Variants in FHIT observed in about 807,000 individuals in gnomAD.
FHIT encodes bis(5'-adenosyl)-triphosphatase.
In FHIT, 19 loss-of-function variants were observed where a neutral mutation model predicts 17.9. The observed-to-expected ratio is 1.06, with a 90% CI of 0.74 to 1.56. The LOEUF is 1.56. FHIT is among the 40% of genes most tolerant of loss of function. The pLI is 0.00. For missense variants in FHIT, 248 were observed against 189.2 expected, an observed-to-expected ratio of 1.31 and a Z score of -1.82; for synonymous variants, 81 against 69.7, an observed-to-expected ratio of 1.16 and a Z score of -0.81.
At chr3:60,826,097 C>T (rs1553740849) in intron 3 of FHIT, among the ~76,000 whole-genome samples, 1 of 149,152 alleles carries the variant, frequency 6.7e-6, no homozygotes, top group Non-Finnish European at 1.5e-5. Context: ...CTCATCTGTG[C>T]TTTTTTGTTT....
At chr3:60,694,977 G>A (rs1472740381) in intron 4 of FHIT, among the ~76,000 whole-genome samples, 1 of 151,996 alleles carries the variant, frequency 6.6e-6, no homozygotes, top group Non-Finnish European at 1.5e-5. Flanking sequence ...CGGGTTAATG[G>A]GTGCAGCACA....
At chr3:60,696,829 T>A (rs914109146) in intron 4 of FHIT, among the ~76,000 whole-genome samples, 2 of 152,202 alleles carry the variant, frequency 1.3e-5, no homozygotes, top group African/African-American at 4.8e-5. Flanking sequence ...TTTACTCCAC[T>A]GATATCAACA....
chr3:60,023,032 A>G lies in FHIT; in HGVS notation c.104-8880T>C, dbSNP rs114482418. On this transcript the variant is annotated intron_variant, in intron 5 of 9. Transcript: ENST00000492590. ...TCGAAAGAGTCTGTCCACAATGTGT[A>G]AACATGAGAATGGGAACACACCAAT... Among the ~76,000 whole-genome samples, 1,156 of 152,336 alleles carry G rather than the reference A, an allele frequency of 7.6e-3. 12 individuals are homozygous for G. Among genetic ancestry groups the G allele is most frequent in the African/African-American group, 0.025 (1,032 of 41,574 alleles).
chr3:61,071,167 T>C (rs538124658), intron 2 of FHIT, among the ~76,000 whole-genome samples: 42 of 152,050 alleles, frequency 2.8e-4, no homozygotes, highest in Non-Finnish European at 3.5e-4. Flanking sequence ...GTATAAGCAA[T>C]AATTTATCTG....
intron 5 of FHIT, among the ~76,000 whole-genome samples, chr3:60,477,552 G>A (rs2033408240): frequency 6.6e-6 from 1 of 152,190 alleles, no homozygotes; most frequent in Non-Finnish European, 1.5e-5. Flanking sequence ...ACACAGCTCA[G>A]TGAGAACAGT....
intron 3 of FHIT, among the ~76,000 whole-genome samples, chr3:60,942,432 T>C (rs1175389001): frequency 5.3e-5 from 8 of 152,208 alleles, no homozygotes; most frequent in African/African-American, 1.9e-4. Context: ...GGTATCCCTG[T>C]TAATTAGAAG....
intron 5 of FHIT, among the ~76,000 whole-genome samples, chr3:60,502,313 G>A (rs1029012110): frequency 1.3e-5 from 2 of 152,132 alleles, no homozygotes; most frequent in African/African-American, 4.8e-5. Flanking sequence ...TGGTCATAGA[G>A]GAAGACCTGG....
intron 4 of FHIT, among the ~76,000 whole-genome samples, chr3:60,665,222 G>A (rs184295616): frequency 8.3e-4 from 126 of 151,818 alleles, no homozygotes; most frequent in African/African-American, 2.4e-3. Context: ...AATGTTCTTC[G>A]GTTGCTTGAG....
At chr3:59,855,794 T>C (rs1300407398) in intron 8 of FHIT, among the ~76,000 whole-genome samples, 1 of 151,852 alleles carries the variant, frequency 6.6e-6, no homozygotes, top group Non-Finnish European at 1.5e-5. Flanking sequence ...TTGTTTTTTT[T>C]TTTTGAGACG....
intron 5 of FHIT, among the ~76,000 whole-genome samples, chr3:60,055,908 T>C (rs1313177861): frequency 6.6e-6 from 1 of 152,200 alleles, no homozygotes; most frequent in Non-Finnish European, 1.5e-5. Flanking sequence ...AAGGACTCAG[T>C]AAACATTCCT....
chr3:60,785,950 C>G, intron 4 of FHIT, among the ~76,000 whole-genome samples: 1 of 137,574 alleles, frequency 7.3e-6, no homozygotes, highest in African/African-American at 3.0e-5. Flanking sequence ...GAGTACTTTT[C>G]AAGATTAGTA....
At chr3:60,975,761 T>A (rs888057389) in intron 3 of FHIT, among the ~76,000 whole-genome samples, 8 of 152,200 alleles carry the variant, frequency 5.3e-5, no homozygotes, top group African/African-American at 1.7e-4. Context: ...CCAAATTAAA[T>A]GAACTCTCAT....
At chr3:60,175,659 C>T (rs550330071) in intron 5 of FHIT, among the ~76,000 whole-genome samples, 2 of 152,086 alleles carry the variant, frequency 1.3e-5, no homozygotes, top group South Asian at 4.1e-4. Flanking sequence ...ACATATTCTA[C>T]AATGGACAAT....
intron 5 of FHIT, among the ~76,000 whole-genome samples, chr3:60,429,183 C>A (rs1389688579): frequency 6.6e-6 from 1 of 151,872 alleles, no homozygotes; most frequent in African/African-American, 2.4e-5. Flanking sequence ...AAATTTTGGT[C>A]TAGTTTATGA....
intron 5 of FHIT, among the ~76,000 whole-genome samples, chr3:60,509,207 T>C (rs141365661): frequency 2.0e-5 from 3 of 152,260 alleles, no homozygotes; most frequent in African/African-American, 7.2e-5. Flanking sequence ...CCAGGACATG[T>C]ATGGTTGGAG....
chr3:60,555,803 C>T (rs372691823), intron 4 of FHIT, among the ~76,000 whole-genome samples: 12 of 152,276 alleles, frequency 7.9e-5, no homozygotes, highest in South Asian at 2.1e-4. Flanking sequence ...AGACTGAGAC[C>T]GGCACCTGAA....
Position 60,581,389 on chromosome 3 carries a change from A to C in FHIT, c.-17-44410T>G, listed in dbSNP as rs114143982. On this transcript the variant is annotated intron_variant, in intron 4 of 9. Transcript: ENST00000492590. ...TTGACCTCTATCATATGCTGTCTTG[A>C]TACTGTAACAACATTAGACTGCTTA... Among the ~76,000 whole-genome samples the C allele has an allele frequency of 1.8e-3, 280 of 152,214 alleles. 2 individuals are homozygous for C. Among genetic ancestry groups the C allele is most frequent in the African/African-American group, 6.5e-3 (269 of 41,560 alleles).
At chr3:60,165,878 G>C (rs1055990330) in intron 5 of FHIT, among the ~76,000 whole-genome samples, 2 of 152,116 alleles carry the variant, frequency 1.3e-5, no homozygotes, top group African/African-American at 4.8e-5. Context: ...GTATATTTAC[G>C]TGTGAAACAT....
intron 5 of FHIT, among the ~76,000 whole-genome samples, chr3:60,464,276 G>C (rs956736655): frequency 3.9e-5 from 6 of 152,072 alleles, no homozygotes; most frequent in Non-Finnish European, 8.8e-5. Context: ...GGGTACAAGG[G>C]ATATTTTGAT....
Sources: allele counts gnomAD v4.1 joint callset (sites outside exome capture counted in the v4.1 genomes callset), GRCh38; gene constraint gnomAD v4.1.1; transcripts MANE v1.5; gene names NCBI Gene and HGNC (gene_info 2026-07-23, HGNC 2026-07-21).